The following CELF2 variants were observed in gnomAD, a reference collection of about 807,000 sequenced individuals.
CELF2 encodes CUGBP Elav-like family member 2, also known as CUG triplet repeat RNA-binding protein 2.
CELF2 carries 8 observed loss-of-function variants against 62.6 expected under a neutral mutation model. The observed-to-expected ratio is 0.13, with a 90% CI of 0.07 to 0.23. The LOEUF is 0.23. Ranked by LOEUF, CELF2 falls within the 10% of genes least tolerant of loss-of-function variation. CELF2 has a pLI of 1.00. For missense variants in CELF2, 333 were observed against 671.0 expected (o/e 0.50, Z 5.56); for synonymous variants, 258 against 250.0 (o/e 1.03, Z -0.30).
chr10:10,910,107 T>G (rs1312735220), intron 1 of CELF2, among the ~76,000 whole-genome samples: 1 of 152,200 alleles, frequency 6.6e-6, no homozygotes, highest in Non-Finnish European at 1.5e-5. Context: ...GACTTATTAG[T>G]GATATTATGT....
chr10:11,219,865 C>T (rs1375819221), intron 3 of CELF2, among the ~76,000 whole-genome samples: 1 of 152,196 alleles, frequency 6.6e-6, no homozygotes, highest in Non-Finnish European at 1.5e-5. Context: ...TAATTCTAAA[C>T]CAATATACAC....
intron 1 of CELF2, among the ~76,000 whole-genome samples, chr10:11,084,636 GT>G (rs1309746134): frequency 1.3e-5 from 2 of 151,894 alleles, no homozygotes; most frequent in African/African-American, 4.8e-5. Flanking sequence ...ACTCATTTCT[GT>G]TTTTAAATTG....
At chr10:10,600,980 C>T in the CELF2 span, among the ~76,000 whole-genome samples, 36,511 of 152,048 alleles carry the variant, frequency 0.24, 4,893 homozygotes, top group South Asian at 0.51. Flanking sequence ...CCAGAAAGTC[C>T]GACTCCAGGG....
At chr10:11,044,052 C>T (rs2062351529) in intron 1 of CELF2, among the ~76,000 whole-genome samples, 2 of 152,198 alleles carry the variant, frequency 1.3e-5, no homozygotes, top group Admixed American at 6.5e-5. Context: ...CAGTTGTGGG[C>T]ACGGCCTTTG....
chr10:10,698,961 C>A, the CELF2 span, among the ~76,000 whole-genome samples: 34,221 of 151,810 alleles, frequency 0.23, 4,117 homozygotes, highest in South Asian at 0.43. Context: ...GTGTACATAT[C>A]ATACATAATT....
intron 1 of CELF2, among the ~76,000 whole-genome samples, chr10:11,035,921 G>A (rs2060875017): frequency 6.6e-6 from 1 of 152,168 alleles, no homozygotes; most frequent in Non-Finnish European, 1.5e-5. Flanking sequence ...CACAAATTCT[G>A]CTTGGCAATT....
At chr10:11,164,920 T>G in intron 1 of CELF2, 1 of 279,126 alleles carries the variant, frequency 3.6e-6, no homozygotes, top group Non-Finnish European at 5.4e-6. Flanking sequence ...ACTCTGCAAA[T>G]TCATCACCCG....
chr10:11,215,530 A>C (rs1407682235), intron 2 of CELF2, among the ~76,000 whole-genome samples: 1 of 151,220 alleles, frequency 6.6e-6, no homozygotes, highest in Non-Finnish European at 1.5e-5. Context: ...TGCATCCCTA[A>C]GTCTTCTTTT....
chr10:11,206,967 C>T (rs1316966798), intron 2 of CELF2, among the ~76,000 whole-genome samples: 8 of 152,092 alleles, frequency 5.3e-5, no homozygotes, highest in Admixed American at 5.2e-4. Context: ...ATGATTGTCC[C>T]ATCGGGGGAA....
chr10:11,176,417 A>G (rs961342710), intron 2 of CELF2, among the ~76,000 whole-genome samples: 1 of 152,138 alleles, frequency 6.6e-6, no homozygotes, highest in African/African-American at 2.4e-5. Flanking sequence ...GCCAGCCCCT[A>G]CCTGATGGAT....
chr10:10,963,143 C>A (rs1488832693), intron 2 of CELF2, among the ~76,000 whole-genome samples: 3 of 152,040 alleles, frequency 2.0e-5, no homozygotes, highest in African/African-American at 7.2e-5. Flanking sequence ...TGGGTTCAAG[C>A]AACTCTCCTG....
chr10:10,496,017 C>A, the CELF2 span, among the ~76,000 whole-genome samples: 1 of 152,130 alleles, frequency 6.6e-6, no homozygotes, highest in Admixed American at 6.5e-5. Flanking sequence ...TCAGTTAGTG[C>A]CAGACTTTGT....
At chr10:10,859,639 G>C (rs1205694729) in intron 1 of CELF2, among the ~76,000 whole-genome samples, 3 of 152,032 alleles carry the variant, frequency 2.0e-5, no homozygotes, top group Non-Finnish European at 4.4e-5. Flanking sequence ...TTTTATAGTA[G>C]CTGGAGTTTT....
At chr10:11,253,627 G>A (rs566503039) in intron 4 of CELF2, among the ~76,000 whole-genome samples, 13 of 152,310 alleles carry the variant, frequency 8.5e-5, no homozygotes, top group African/African-American at 1.7e-4. Context: ...GATTGTACAC[G>A]CGGGTGTTAG....
At chr10:10,764,343 C>A in the CELF2 span, among the ~76,000 whole-genome samples, 2 of 152,182 alleles carry the variant, frequency 1.3e-5, no homozygotes, top group African/African-American at 4.8e-5. Context: ...AACATGGCGC[C>A]GATCTCATAC....
intron 8 of CELF2, among the ~76,000 whole-genome samples, chr10:11,283,781 A>C (rs143327332): frequency 6.9e-6 from 1 of 144,936 alleles, no homozygotes; most frequent in Non-Finnish European, 1.5e-5. Context: ...GCCAGATCAT[A>C]GATGGATGTG....
intron 2 of CELF2, among the ~76,000 whole-genome samples, chr10:10,966,028 G>GT (rs2050088625): frequency 6.6e-6 from 1 of 152,162 alleles, no homozygotes; most frequent in African/African-American, 2.4e-5. Context: ...CCTACTTACT[G>GT]TGCTTCCAAA....
At chr10:11,032,262 A>G (rs917270625) in intron 1 of CELF2, among the ~76,000 whole-genome samples, 2 of 151,380 alleles carry the variant, frequency 1.3e-5, no homozygotes, top group Non-Finnish European at 2.9e-5. Flanking sequence ...GGTCAATTTT[A>G]CTCTTGTAGA....
chr10:10,498,416 G>A, the CELF2 span, among the ~76,000 whole-genome samples: 2 of 152,338 alleles, frequency 1.3e-5, no homozygotes, highest in East Asian at 3.9e-4. Context: ...AGTTGGCCAA[G>A]TCTCTTGGGT....
Sources: allele counts gnomAD v4.1 joint callset (sites outside exome capture counted in the v4.1 genomes callset), GRCh38; gene constraint gnomAD v4.1.1; transcripts MANE v1.5; gene names NCBI Gene and HGNC (gene_info 2026-07-23, HGNC 2026-07-21).